Variants in NDUFB4 observed in about 807,000 individuals in gnomAD.
NDUFB4 encodes the protein NADH dehydrogenase [ubiquinone] 1 beta subcomplex subunit 4.
Under a neutral mutation model 14.5 loss-of-function variants are expected in NDUFB4, and 10 were observed. The ratio of observed to expected loss-of-function variants is 0.69; its 90% CI spans 0.43 to 1.17. The LOEUF (loss-of-function observed/expected upper bound fraction) is 1.17, where lower values mean the gene tolerates loss of function less well. Ranked by LOEUF, NDUFB4 falls within the 50% of genes most tolerant of loss-of-function variation. The pLI is 0.00. For missense variants in NDUFB4, 165 were observed against 161.1 expected (o/e 1.02, Z -0.13); for synonymous variants, 65 against 63.4 (o/e 1.03, Z -0.12).
At position 120,596,467 on chromosome 3, in the gene NDUFB4, G is replaced by A. The variant is rs764790555; in HGVS notation, c.108G>A (p.Arg36=). 2 of 1,614,114 alleles carry A rather than the reference G, an allele frequency of 1.2e-6. No homozygotes were observed. Among genetic ancestry groups the A allele is most frequent in the Non-Finnish European group, 1.7e-6 (2 of 1,180,000 alleles). Residue 36 remains arginine, a synonymous_variant, in exon 1 of 3, where the codon CGG becomes CGA. Transcript: ENST00000184266. Reference sequence around the variant, plus strand: ...AAACCCGGCGGGCGCAAGCCGAGCGGTTGGCCATAAGAGCCCAGCTGAAAC... The same window carrying A: ...AAACCCGGCGGGCGCAAGCCGAGCGATTGGCCATAAGAGCCCAGCTGAAAC... ...SPETRRAQAE[R]LAIRAQLKRE... is the part of the protein sequence containing the mutation.
chr3:120,596,597 A>G, intron 1 of NDUFB4, 58 bp downstream of exon 1: 4 of 1,566,932 alleles, frequency 2.6e-6, no homozygotes, highest in Non-Finnish European at 3.5e-6. Context: ...AGACCGAGAG[A>G]GACCACGCAA....
chr3:120,598,050 A>ATT (rs139670492), intron 1 of NDUFB4, among the ~76,000 whole-genome samples: 1 of 142,906 alleles, frequency 7.0e-6, no homozygotes, highest in Admixed American at 7.0e-5. Flanking sequence ...CTCTTGCCTA[A>ATT]TTTTTTTTTT....
Position 120,601,117 on chromosome 3 carries a change from C to T in NDUFB4, c.187C>T (p.Pro63Ser). 1 of 1,605,506 alleles carries T rather than the reference C, an allele frequency of 6.2e-7. No individual in the cohort carries two copies. The highest frequency in any genetic ancestry group is 8.5e-7 in the Non-Finnish European group (1 of 1,178,148). Residue 63 changes from proline (P) to serine (S), a missense_variant, in exon 2 of 3, where the codon CCT (proline) becomes TCT (serine). Coordinates refer to ENST00000184266, the MANE Select transcript of NDUFB4 (RefSeq NM_004547.6). ...DPNRRGLIEN[P>S]ALLRWAYART... ...TTGTTTTCATTAATTTTAGGAAAAT[C>T]CTGCCTTGCTTCGTTGGGCCTATGC...
At chr3:120,597,034 G>A (rs1939973594) in intron 1 of NDUFB4, among the ~76,000 whole-genome samples, 1 of 140,704 alleles carries the variant, frequency 7.1e-6, no homozygotes, top group African/African-American at 2.7e-5. Context: ...TTATATATAT[G>A]CATATATATT....
chr3:120,596,626 C>G (rs1939961454), intron 1 of NDUFB4, 87 bp downstream of exon 1: 4 of 1,404,734 alleles, frequency 2.8e-6, no homozygotes, highest in Non-Finnish European at 3.0e-6. Flanking sequence ...CCACCGCTCC[C>G]GATCAGTATC....
rs1940078901 is a variant in NDUFB4, at chr3:120,602,335, G to A, written c.*65G>A. ...ATCATCTATTAATCATTAAGTAGTA[G>A]TTTCTCTTTCTTAGTATTACCTTGA... On this transcript the variant is annotated 3_prime_UTR_variant, in exon 3 of 3. Coordinates refer to ENST00000184266, the MANE Select transcript of NDUFB4 (RefSeq NM_004547.6). The A allele has an allele frequency of 7.0e-7, 1 of 1,433,736 alleles. No homozygotes were observed. Among genetic ancestry groups the A allele is most frequent in the Non-Finnish European group, 9.6e-7 (1 of 1,036,994 alleles). 88.8% of individuals were successfully genotyped at this position (1,433,736 alleles called of 1,614,324 possible).
At chr3:120,596,608 A>G (rs1165440296) in intron 1 of NDUFB4, 69 bp downstream of exon 1, 32 of 1,525,484 alleles carry the variant, frequency 2.1e-5, no homozygotes, top group Non-Finnish European at 2.7e-5. Flanking sequence ...GACCACGCAA[A>G]GGGTCGGCCA....
At chr3:120,600,707 T>A (rs994110099) in intron 1 of NDUFB4, among the ~76,000 whole-genome samples, 1 of 152,198 alleles carries the variant, frequency 6.6e-6, no homozygotes, top group East Asian at 1.9e-4. Flanking sequence ...AATCTGTTTC[T>A]CTTCATTGGG....
At position 120,602,233 on chromosome 3, in the gene NDUFB4, A is replaced by G. The variant is rs1163124531; in HGVS notation, c.353A>G (p.Glu118Gly). The G allele has an allele frequency of 1.2e-6, 2 of 1,611,102 alleles. No individual in the cohort carries two copies. The highest frequency in any genetic ancestry group is 1.3e-5 in the African/African-American group (1 of 74,796). ...ERDRKEKLIQ[E>G]GKLDRTFHLS... ...GATAGGAAAGAAAAACTTATCCAGGAAGGAAAATTGGATCGAACATTTCAC... is the reference window on the plus strand; with the variant it reads ...GATAGGAAAGAAAAACTTATCCAGGGAGGAAAATTGGATCGAACATTTCAC... Residue 118 changes from glutamate (E) to glycine (G), a missense_variant, in exon 3 of 3, where the codon GAA becomes GGA. By Grantham distance (98) the Glu-to-Gly change is moderately conservative. Coordinates refer to ENST00000184266, the MANE Select transcript of NDUFB4 (RefSeq NM_004547.6).
At chr3:120,601,521 A>G (rs1200674441) in intron 2 of NDUFB4, 4 of 1,316,036 alleles carry the variant, frequency 3.0e-6, no homozygotes, top group Admixed American at 3.8e-5. Flanking sequence ...AGCAGAATAC[A>G]TAAATCATTT....
chr3:120,601,081 T>A, intron 1 of NDUFB4, 30 bp from the exon 2 acceptor site: 1 of 1,577,498 alleles, frequency 6.3e-7, no homozygotes, highest in Non-Finnish European at 8.6e-7. Context: ...CTTCTTAAGT[T>A]CTATAACTTT....
Position 120,602,344 on chromosome 3 carries a change from T to A in NDUFB4, c.*74T>A. ...TAATCATTAAGTAGTAGTTTCTCTTTCTTAGTATTACCTTGATTCAATGTT... is the reference window on the plus strand; with the variant it reads ...TAATCATTAAGTAGTAGTTTCTCTTACTTAGTATTACCTTGATTCAATGTT... On this transcript the variant is annotated 3_prime_UTR_variant, in exon 3 of 3. Transcript: ENST00000184266. 1 of 1,369,480 alleles carries A rather than the reference T, an allele frequency of 7.3e-7. No individual in the cohort carries two copies. The highest frequency in any genetic ancestry group is 1.0e-6 in the Non-Finnish European group (1 of 979,902). The allele number at this position is 1,369,480 out of a possible 1,614,324, so 84.8% of individuals were successfully genotyped here.
Position 120,601,238 on chromosome 3 carries a change from A to G in NDUFB4, c.308A>G (p.Tyr103Cys), listed in dbSNP as rs878951799. Reference protein sequence around the residue: ...CGFGPLIFIYYIIKTERDRKE... With the variant: ...CGFGPLIFIYCIIKTERDRKE... ...TTTGGGCCCCTCATCTTCATTTATT[A>G]TATTATCAAAACTGAGAGGGTAAGT... The change falls in exon 2 of 3, where the codon TAT becomes TGT. Residue 103 changes from tyrosine to cysteine, a missense_variant. Coordinates refer to ENST00000184266, the MANE Select transcript of NDUFB4 (RefSeq NM_004547.6). The G allele has an allele frequency of 1.2e-6, 2 of 1,614,090 alleles. No individual in the cohort carries two copies. Among genetic ancestry groups the G allele is most frequent in the East Asian group, 2.2e-5 (1 of 44,876 alleles).
Position 120,596,552 on chromosome 3 carries a change from CCT to C in NDUFB4, c.180+15_180+16del, listed in dbSNP as rs1388350674. ...CCGAGGGCTCATCGTGAGTGTGGGG[CCT>C]CCCAGGCGGGAATAGGGCCCGAGTC... On this transcript the variant is annotated intron_variant, in intron 1 of 2. Coordinates refer to ENST00000184266, the MANE Select transcript of NDUFB4 (RefSeq NM_004547.6). 6.2e-7 allele frequency: 1 copy of C among 1,612,396 alleles called. No homozygotes were observed. The highest frequency in any genetic ancestry group is 1.7e-5 in the Admixed American group (1 of 59,844).
At chr3:120,601,963 T>A in intron 2 of NDUFB4, 1 of 1,242,660 alleles carries the variant, frequency 8.0e-7, no homozygotes, top group Non-Finnish European at 1.0e-6. Context: ...AGTAAGATGT[T>A]TTTGAATAGG....
At position 120,602,237 on chromosome 3, in the gene NDUFB4, A is replaced by G; in HGVS notation, c.357A>G (p.Gly119=). 1 of 1,611,244 alleles carries G rather than the reference A, an allele frequency of 6.2e-7. No homozygotes were observed. Among genetic ancestry groups the G allele is most frequent in the East Asian group, 2.2e-5 (1 of 44,836 alleles). Residue 119 remains glycine (G), a synonymous_variant, in exon 3 of 3, where the codon GGA becomes GGG. Coordinates refer to ENST00000184266, the MANE Select transcript of NDUFB4 (RefSeq NM_004547.6). ...GGAAAGAAAAACTTATCCAGGAAGG[A>G]AAATTGGATCGAACATTTCACCTCT... ...RDRKEKLIQE[G]KLDRTFHLSY
In NDUFB4 at chr3:120,602,213, G is replaced by C; in HGVS notation, c.333G>C (p.Arg111Ser). 6.2e-7 allele frequency: 1 copy of C among 1,610,916 alleles called. No individual in the cohort carries two copies. Among genetic ancestry groups the C allele is most frequent in the Non-Finnish European group, 8.5e-7 (1 of 1,179,532 alleles). The stretch of plus-strand genomic sequence containing the variant: ...CTTTTTTTCTGTCTTTACAGGATAG[G>C]AAAGAAAAACTTATCCAGGAAGGAA... ...IYYIIKTERD[R>S]KEKLIQEGKL... Residue 111 changes from arginine to serine, a missense_variant, in exon 3 of 3, where the codon AGG (arginine) becomes AGC (serine). Transcript: ENST00000184266.
chr3:120,601,795 C>T, intron 2 of NDUFB4: 2 of 1,021,982 alleles, frequency 2.0e-6, no homozygotes, highest in Non-Finnish European at 2.3e-6. Flanking sequence ...TTGTCTTTAA[C>T]TGGCCCATCT....
intron 1 of NDUFB4, 125 bp from the exon 2 acceptor site, chr3:120,600,986 T>G: frequency 7.9e-6 from 6 of 761,168 alleles, no homozygotes; most frequent in Non-Finnish European, 1.3e-5. Flanking sequence ...GGAATATTCA[T>G]GATATACCCT....
Sources: gnomAD v4.1 joint callset for allele counts (sites outside exome capture counted in the v4.1 genomes callset) on GRCh38, gnomAD v4.1.1 for gene constraint, MANE v1.5 for transcripts, NCBI Gene and HGNC (gene_info 2026-07-23, HGNC 2026-07-21) for gene names.